The following PDE3A variants were observed in gnomAD, a reference collection of about 807,000 sequenced individuals.
The protein encoded by PDE3A is cGMP-inhibited 3',5'-cyclic phosphodiesterase 3A.
Under a neutral mutation model 98.3 loss-of-function variants are expected in PDE3A, and 43 were observed. That is an observed-to-expected ratio of 0.44 (90% CI 0.34 to 0.56). PDE3A has a LOEUF of 0.56. Ranked by LOEUF, PDE3A falls within the 20% of genes least tolerant of loss-of-function variation. PDE3A has a pLI of 0.01. For missense variants in PDE3A, 1,427 were observed against 1,440.7 expected (o/e 0.99, Z 0.15); for synonymous variants, 663 against 567.9 (o/e 1.17, Z -2.38).
intron 2 of PDE3A, among the ~76,000 whole-genome samples, chr12:20,580,211 A>T (rs1005982174): frequency 6.6e-6 from 1 of 152,158 alleles, no homozygotes; most frequent in African/African-American, 2.4e-5. Flanking sequence ...AAATAATTTC[A>T]TGACTTGGGG....
chr12:20,668,048 G>A (rs539585040), intron 15 of PDE3A, among the ~76,000 whole-genome samples: 4 of 152,194 alleles, frequency 2.6e-5, no homozygotes, highest in South Asian at 2.1e-4. Context: ...AACGCAAGGG[G>A]TCAGGGAGTT....
chr12:20,535,581 T>C (rs1941728595), intron 1 of PDE3A, among the ~76,000 whole-genome samples: 1 of 152,154 alleles, frequency 6.6e-6, no homozygotes, highest in Non-Finnish European at 1.5e-5. Context: ...GCATGAACAG[T>C]ACTTAGTACA....
At chr12:20,539,494 C>T (rs1327780770) in intron 1 of PDE3A, among the ~76,000 whole-genome samples, 4 of 152,046 alleles carry the variant, frequency 2.6e-5, no homozygotes, top group Admixed American at 6.6e-5. Context: ...GCAGTAAATG[C>T]AGGAAACACA....
chr12:20,503,352 A>G (rs1946056852), intron 1 of PDE3A, among the ~76,000 whole-genome samples: 1 of 152,070 alleles, frequency 6.6e-6, no homozygotes, highest in Non-Finnish European at 1.5e-5. Context: ...CAGGTATTCC[A>G]TAGAAAGACT....
At chr12:20,594,120 A>G (rs1384836131) in intron 2 of PDE3A, among the ~76,000 whole-genome samples, 2 of 152,174 alleles carry the variant, frequency 1.3e-5, no homozygotes, top group Non-Finnish European at 2.9e-5. Flanking sequence ...GGGCTTTCAA[A>G]ATGTTAATAG....
At chr12:20,492,566 C>A (rs959539067) in intron 1 of PDE3A, among the ~76,000 whole-genome samples, 1 of 152,034 alleles carries the variant, frequency 6.6e-6, no homozygotes, top group African/African-American at 2.4e-5. Flanking sequence ...TCACTAGGAC[C>A]AAAGGCACGA....
chr12:20,522,812 C>T (rs941035782), intron 1 of PDE3A, among the ~76,000 whole-genome samples: 2 of 151,614 alleles, frequency 1.3e-5, no homozygotes, highest in Non-Finnish European at 2.9e-5. Flanking sequence ...TGGGGTGGGG[C>T]AGGGAAAAGC....
chr12:20,570,514 A>G (rs1432201961), intron 2 of PDE3A, among the ~76,000 whole-genome samples: 1 of 150,598 alleles, frequency 6.6e-6, no homozygotes, highest in Non-Finnish European at 1.5e-5. Context: ...AACACAGAGC[A>G]GTCAGATTTT....
chr12:20,379,835 A>G (rs1199625103), intron 1 of PDE3A, among the ~76,000 whole-genome samples: 2 of 151,668 alleles, frequency 1.3e-5, no homozygotes, highest in Non-Finnish European at 2.9e-5. Context: ...AAGGGGTTGC[A>G]TTTGCCTGTG....
At chr12:20,579,028 C>T (rs141431761) in intron 2 of PDE3A, among the ~76,000 whole-genome samples, 1 of 152,108 alleles carries the variant, frequency 6.6e-6, no homozygotes, top group East Asian at 1.9e-4. Flanking sequence ...TTAAGATTTG[C>T]TGTATTTCTG....
intron 1 of PDE3A, among the ~76,000 whole-genome samples, chr12:20,374,915 G>A (rs1943542536): frequency 6.6e-6 from 1 of 151,976 alleles, no homozygotes. Flanking sequence ...TGTCCTGGAT[G>A]TGTGAAGATA....
At chr12:20,485,830 A>C (rs759508922) in intron 1 of PDE3A, among the ~76,000 whole-genome samples, 1 of 152,190 alleles carries the variant, frequency 6.6e-6, no homozygotes, top group Non-Finnish European at 1.5e-5. Flanking sequence ...TGGAGTACAA[A>C]GATTTGTGTT....
intron 15 of PDE3A, among the ~76,000 whole-genome samples, chr12:20,669,368 A>C (rs372838293): frequency 1.3e-5 from 2 of 151,810 alleles, no homozygotes; most frequent in African/African-American, 2.4e-5. Flanking sequence ...GATACTCCTC[A>C]AGAAGAGCAA....
chr12:20,636,528 A>G (rs1290430807), intron 8 of PDE3A, among the ~76,000 whole-genome samples: 1 of 152,196 alleles, frequency 6.6e-6, no homozygotes, highest in African/African-American at 2.4e-5. Flanking sequence ...ACAGTAGGTC[A>G]CATGAAATAA....
chr12:20,606,851 CAAAA>C (rs370189687), intron 2 of PDE3A, among the ~76,000 whole-genome samples: 3 of 74,656 alleles, frequency 4.0e-5, no homozygotes, highest in Non-Finnish European at 8.3e-5. Context: ...AGCTCCATCT[CAAAA>C]AAAAAAAAAA....
chr12:20,477,008 T>A (rs556618733), intron 1 of PDE3A, among the ~76,000 whole-genome samples: 6 of 152,316 alleles, frequency 3.9e-5, no homozygotes, highest in Middle Eastern at 3.4e-3. Flanking sequence ...AGGAATTGCC[T>A]TGTTAACTAC....
intron 2 of PDE3A, among the ~76,000 whole-genome samples, chr12:20,586,857 T>A (rs143837248): frequency 6.6e-6 from 1 of 152,298 alleles, no homozygotes; most frequent in East Asian, 1.9e-4. Context: ...TCTTTTGCAC[T>A]GATAGTGGAC....
intron 1 of PDE3A, among the ~76,000 whole-genome samples, chr12:20,515,850 A>G (rs906577419): frequency 8.0e-5 from 12 of 149,326 alleles, no homozygotes; most frequent in African/African-American, 3.0e-4. Flanking sequence ...CTCCTGCCTC[A>G]GCCTCCCAAG....
chr12:20,396,298 T>C (rs1287249728), intron 1 of PDE3A, among the ~76,000 whole-genome samples: 2 of 152,138 alleles, frequency 1.3e-5, no homozygotes, highest in African/African-American at 2.4e-5. Context: ...GGATAAGCTG[T>C]AGGACCCATT....
Sources: allele counts gnomAD v4.1 joint callset (sites outside exome capture counted in the v4.1 genomes callset), GRCh38; gene constraint gnomAD v4.1.1; transcripts MANE v1.5; gene names NCBI Gene and HGNC (gene_info 2026-07-23, HGNC 2026-07-21).